SPOCK1: variants seen among roughly 807,000 people sequenced by gnomAD.
The protein encoded by SPOCK1 is SPARC (osteonectin), cwcv and kazal like domains proteoglycan 1, also known as testican-1.
In SPOCK1, 23 loss-of-function variants were observed where a neutral mutation model predicts 55.3. That is an observed-to-expected ratio of 0.42 (90% CI 0.30 to 0.59). SPOCK1 has a LOEUF of 0.59. SPOCK1 is among the 20% of genes least tolerant of loss of function. The pLI is 0.22. For missense variants in SPOCK1, 499 were observed against 552.5 expected (o/e 0.90, Z 0.97); for synonymous variants, 226 against 221.0 (o/e 1.02, Z -0.20).
At chr5:137,356,145 T>C (rs893922505) in intron 2 of SPOCK1, among the ~76,000 whole-genome samples, 1 of 152,192 alleles carries the variant, frequency 6.6e-6, no homozygotes, top group African/African-American at 2.4e-5. Flanking sequence ...TTACACCTGC[T>C]CTGCCTCATC....
intron 2 of SPOCK1, among the ~76,000 whole-genome samples, chr5:137,423,796 C>T (rs909401135): frequency 7.9e-5 from 12 of 152,268 alleles, no homozygotes; most frequent in Admixed American, 7.8e-4. Flanking sequence ...TGTCCTGCAC[C>T]CACTTTCCAA....
intron 2 of SPOCK1, among the ~76,000 whole-genome samples, chr5:137,354,333 A>C (rs1173629458): frequency 1.3e-5 from 2 of 152,068 alleles, no homozygotes; most frequent in Admixed American, 6.5e-5. Context: ...CCCTGCCCTC[A>C]TTGGTCCTCA....
chr5:136,987,655 A>ATAACT (rs1171168069), intron 8 of SPOCK1, among the ~76,000 whole-genome samples: 1 of 152,204 alleles, frequency 6.6e-6, no homozygotes, highest in Non-Finnish European at 1.5e-5. Flanking sequence ...CTATGCATAC[A>ATAACT]TAACTTAAAT....
In SPOCK1 at chr5:136,978,610, A is replaced by C. The variant is rs1329250035; in HGVS notation, c.*44T>G. On this transcript the variant is annotated 3_prime_UTR_variant, in exon 11 of 11. Coordinates refer to ENST00000394945, the MANE Select transcript of SPOCK1 (RefSeq NM_004598.4). ...GATACAAATGCAGGAATAGGAAGTG[A>C]CTTGCAATTTTGTGCAAAACTTGTG... 6.4e-7 allele frequency: 1 copy of C among 1,552,318 alleles called. No individual in the cohort carries two copies. Among genetic ancestry groups the C allele is most frequent in the Non-Finnish European group, 8.7e-7 (1 of 1,150,780 alleles).
intron 6 of SPOCK1, among the ~76,000 whole-genome samples, chr5:136,994,313 G>A (rs1751002368): frequency 2.0e-5 from 3 of 152,134 alleles, no homozygotes; most frequent in South Asian, 2.1e-4. Context: ...TGTCTCGACA[G>A]GGAGCAAAGA....
chr5:137,303,410 G>T (rs1304594725), intron 2 of SPOCK1, among the ~76,000 whole-genome samples: 1 of 151,932 alleles, frequency 6.6e-6, no homozygotes, highest in African/African-American at 2.4e-5. Flanking sequence ...TATGTGATAA[G>T]TCTCTGTAGC....
intron 3 of SPOCK1, among the ~76,000 whole-genome samples, chr5:137,189,686 A>G (rs1755139914): frequency 6.6e-6 from 1 of 152,192 alleles, no homozygotes; most frequent in South Asian, 2.1e-4. Context: ...ACGGATCAAG[A>G]GGTAATTTGA....
rs116180950 is a variant in SPOCK1 at position 137,484,077 on chromosome 5, C to T, written c.186+14296G>A. Among the ~76,000 whole-genome samples the T allele has an allele frequency of 1.5e-3, 222 of 152,306 alleles. 1 individual carries two copies. Among genetic ancestry groups the T allele is most frequent in the African/African-American group, 5.2e-3 (217 of 41,574 alleles). ...TATTCGACAGGAAAAACCACTTTAC[C>T]GCTGTGGTGGGAATGGACTTGGTTT... On this transcript the variant is annotated intron_variant, in intron 2 of 10. Transcript: ENST00000394945.
At chr5:137,193,285 T>A (rs374100107) in intron 3 of SPOCK1, among the ~76,000 whole-genome samples, 4 of 152,062 alleles carry the variant, frequency 2.6e-5, no homozygotes, top group East Asian at 3.9e-4. Context: ...CAAGAGACAG[T>A]GAGAAGTGAA....
intron 3 of SPOCK1, among the ~76,000 whole-genome samples, chr5:137,210,239 T>C (rs1467443384): frequency 6.6e-6 from 1 of 152,138 alleles, no homozygotes; most frequent in African/African-American, 2.4e-5. Context: ...CCCTCTTCTA[T>C]AGAACAGGAA....
intron 6 of SPOCK1, among the ~76,000 whole-genome samples, chr5:137,065,066 A>G (rs1253048729): frequency 6.6e-6 from 1 of 152,006 alleles, no homozygotes; most frequent in Non-Finnish European, 1.5e-5. Context: ...TGTCTCTACT[A>G]AAAATACAAA....
chr5:137,145,749 G>A (rs547343253), intron 3 of SPOCK1, among the ~76,000 whole-genome samples: 1 of 152,348 alleles, frequency 6.6e-6, no homozygotes, highest in South Asian at 2.1e-4. Flanking sequence ...GCCTTTCAGG[G>A]GGTCAGGTGA....
intron 2 of SPOCK1, among the ~76,000 whole-genome samples, chr5:137,282,292 G>A (rs1757180635): frequency 6.6e-6 from 1 of 152,240 alleles, no homozygotes; most frequent in Non-Finnish European, 1.5e-5. Context: ...AAATCTGGGT[G>A]ATAGCTGCAT....
At chr5:137,338,276 T>C (rs929482233) in intron 2 of SPOCK1, among the ~76,000 whole-genome samples, 1 of 151,982 alleles carries the variant, frequency 6.6e-6, no homozygotes, top group Non-Finnish European at 1.5e-5. Context: ...GTGTTTGGTT[T>C]GTTGTCCTTG....
At chr5:137,220,158 GCA>G (rs1373582965) in intron 3 of SPOCK1, among the ~76,000 whole-genome samples, 2 of 152,190 alleles carry the variant, frequency 1.3e-5, no homozygotes, top group African/African-American at 2.4e-5. Context: ...AAGATGGGGA[GCA>G]CAGAGACAGA....
intron 3 of SPOCK1, among the ~76,000 whole-genome samples, chr5:137,210,633 G>C (rs1755593195): frequency 6.6e-6 from 1 of 152,108 alleles, no homozygotes; most frequent in African/African-American, 2.4e-5. Flanking sequence ...AGAGGTGAAG[G>C]TGAGCCTTTT....
chr5:137,070,695 C>T (rs1752595248), intron 5 of SPOCK1, among the ~76,000 whole-genome samples: 1 of 152,212 alleles, frequency 6.6e-6, no homozygotes, highest in South Asian at 2.1e-4. Flanking sequence ...TACTCTGCCC[C>T]TCAGCCTGCC....
intron 5 of SPOCK1, among the ~76,000 whole-genome samples, chr5:137,091,082 C>T (rs759008265): frequency 1.3e-5 from 2 of 152,150 alleles, no homozygotes; most frequent in East Asian, 1.9e-4. Context: ...GATGAAGACA[C>T]GAGCATAGGA....
intron 2 of SPOCK1, among the ~76,000 whole-genome samples, chr5:137,334,723 C>G (rs973041521): frequency 3.3e-5 from 5 of 152,192 alleles, no homozygotes; most frequent in African/African-American, 7.2e-5. Context: ...CTCATTTTCT[C>G]CTCACAGTCC....
Sources: allele counts gnomAD v4.1 joint callset (sites outside exome capture counted in the v4.1 genomes callset), GRCh38; gene constraint gnomAD v4.1.1; transcripts MANE v1.5; gene names NCBI Gene and HGNC (gene_info 2026-07-23, HGNC 2026-07-21).